SLC22A25: variants seen among roughly 807,000 people sequenced by gnomAD.
SLC22A25 encodes MGI:2442751, MGI:2385316, MGI:3042283, MGI:3645714, MGI:3605624, MGI:2442750.
In SLC22A25, 44 loss-of-function variants were observed where a neutral mutation model predicts 45.9. That is an observed-to-expected ratio of 0.96 (90% CI 0.75 to 1.23). The LOEUF is 1.23. Ranked by LOEUF, SLC22A25 falls within the 50% of genes most tolerant of loss-of-function variation. The pLI is 0.00. For synonymous variants in SLC22A25, 283 were observed against 238.6 expected (o/e 1.19, Z -1.72); for missense variants, 800 against 666.4 (o/e 1.20, Z -2.21).
At chr11:63,183,912 T>A (rs1272237503) in intron 7 of SLC22A25, 95 bp from the exon 8 acceptor site, 12 of 1,526,316 alleles carry the variant, frequency 7.9e-6, no homozygotes, top group Non-Finnish European at 9.8e-6. Flanking sequence ...TCTAAGCTAA[T>A]ACCCACCTCT....
In SLC22A25 at chr11:63,180,726, T is replaced by G; in HGVS notation, c.1004A>C (p.His335Pro). 2.5e-6 allele frequency: 4 copies of G among 1,613,274 alleles called. No individual in the cohort carries two copies. In the African/African-American group the frequency reaches 4.0e-5, roughly 16 times the overall value. Reference sequence around the variant, plus strand: ...TATGCGGAGCAATTCACAAAGAGAATGCTTTTTCTGTGCTGCCTCCAGTTC... The same window carrying G: ...TATGCGGAGCAATTCACAAAGAGAAGGCTTTTTCTGTGCTGCCTCCAGTTC... ...KQELEAAQKKHSLCELLRIPN... is the reference protein window; with the variant it reads ...KQELEAAQKKPSLCELLRIPN... The change falls in exon 9 of 12, where the codon CAT becomes CCT. Residue 335 changes from histidine to proline, a missense_variant. Coordinates refer to ENST00000306494, the MANE Select transcript of SLC22A25 (RefSeq NM_199352.6).
rs987479204 is a variant in SLC22A25 at position 63,229,853 on chromosome 11, A to T, written c.-201T>A. On this transcript the variant is annotated 5_prime_UTR_variant, in exon 4 of 12. Transcript: ENST00000306494. ...CAAGTAGTTTTGGGGTCAGGTAGGT[A>T]TCTGTTTTCTTTAGGGTCACATAAG... Among the ~76,000 whole-genome samples the T allele has an allele frequency of 6.6e-5, 10 of 152,176 alleles. No homozygotes were observed. Among genetic ancestry groups the T allele is most frequent in the Non-Finnish European group, 1.3e-4 (9 of 68,030 alleles).
chr11:63,234,206 C>T (rs1292532999), intron 3 of SLC22A25, among the ~76,000 whole-genome samples: 3 of 152,150 alleles, frequency 2.0e-5, no homozygotes, highest in African/African-American at 7.2e-5. Flanking sequence ...AACTTTCTGT[C>T]TCATTGATCT....
At chr11:63,237,739 C>T (rs1211768829) in intron 3 of SLC22A25, among the ~76,000 whole-genome samples, 142 bp downstream of exon 3, 1 of 152,176 alleles carries the variant, frequency 6.6e-6, no homozygotes, top group Non-Finnish European at 1.5e-5. Flanking sequence ...TCAGTGCTGA[C>T]AGGATAGCCC....
chr11:63,212,946 A>G (rs1316138799), intron 7 of SLC22A25, among the ~76,000 whole-genome samples: 2 of 152,230 alleles, frequency 1.3e-5, no homozygotes, highest in Non-Finnish European at 2.9e-5. Context: ...GAATGCCTCC[A>G]AGGAATAGAG....
At chr11:63,241,948 T>G (rs568743610) in intron 1 of SLC22A25, among the ~76,000 whole-genome samples, 3 of 152,306 alleles carry the variant, frequency 2.0e-5, no homozygotes, top group African/African-American at 7.2e-5. Flanking sequence ...ACATTCAAAC[T>G]CTGTCAAACA....
At chr11:63,169,767 A>C (rs963836378) in intron 9 of SLC22A25, among the ~76,000 whole-genome samples, 4 of 152,168 alleles carry the variant, frequency 2.6e-5, no homozygotes, top group Admixed American at 2.6e-4. Context: ...ACAGAAAATC[A>C]ACAAGGATAT....
At chr11:63,214,197 C>T (rs1184997111) in intron 7 of SLC22A25, among the ~76,000 whole-genome samples, 1 of 152,144 alleles carries the variant, frequency 6.6e-6, no homozygotes, top group Non-Finnish European at 1.5e-5. Context: ...GCCTCATCCT[C>T]CTTTGCCCTT....
At chr11:63,177,447 C>T in intron 9 of SLC22A25, among the ~76,000 whole-genome samples, 1 of 151,842 alleles carries the variant, frequency 6.6e-6, no homozygotes, top group East Asian at 1.9e-4. Flanking sequence ...TTATTGTTAA[C>T]TAAAGTCACC....
intron 7 of SLC22A25, among the ~76,000 whole-genome samples, chr11:63,214,154 C>A (rs1308683728): frequency 6.6e-6 from 1 of 152,108 alleles, no homozygotes; most frequent in Non-Finnish European, 1.5e-5. Flanking sequence ...GATTCAAAAC[C>A]CTCTGGTGGG....
intron 7 of SLC22A25, among the ~76,000 whole-genome samples, chr11:63,215,107 A>G (rs2089676017): frequency 6.6e-6 from 1 of 152,230 alleles, no homozygotes; most frequent in Non-Finnish European, 1.5e-5. Context: ...ATTATAAATC[A>G]TTCTACTATA....
At chr11:63,231,199 A>G (rs1392847297) in intron 3 of SLC22A25, among the ~76,000 whole-genome samples, 1 of 152,146 alleles carries the variant, frequency 6.6e-6, no homozygotes, top group Non-Finnish European at 1.5e-5. Flanking sequence ...TGGTATTTCT[A>G]GTTCTGGATC....
chr11:63,231,240 T>C (rs1221914247), intron 3 of SLC22A25, among the ~76,000 whole-genome samples: 2 of 152,244 alleles, frequency 1.3e-5, no homozygotes, highest in African/African-American at 4.8e-5. Context: ...TGTTCCACAA[T>C]GGTTGAACTA....
intron 5 of SLC22A25, chr11:63,220,132 TTGTA>T: frequency 6.1e-6 from 4 of 659,278 alleles, no homozygotes; most frequent in Non-Finnish European, 9.1e-6. Context: ...AAGGTAGAGG[TTGTA>T]ATACCTCTAA....
Position 63,164,075 on chromosome 11 carries a change from T to C in SLC22A25, c.1395-2A>G, listed in dbSNP as rs114205803. 6.8e-4 allele frequency: 1,070 copies of C among 1,571,630 alleles called. 10 individuals are homozygous for C. In the African/African-American group the frequency reaches 0.013, roughly 19 times the overall value. On this transcript the variant is annotated splice_acceptor_variant, in intron 11 of 11. Transcript: ENST00000306494. LOFTEE classifies it high-confidence loss of function. ...CCAGTGATTCCAGTAGCTCTTCCCC[T>C]TGGAGTAAAAACAGCAACAGAGGAA...
Position 63,215,620 on chromosome 11 carries a change from C to CT in SLC22A25, c.830+1693dup, listed in dbSNP as rs1565111434. 2.6e-5 allele frequency among the ~76,000 whole-genome samples: 4 copies of CT among 151,930 alleles called. No individual in the cohort carries two copies. The South Asian group carries it at 8.3e-4, about 32-fold the overall frequency. On this transcript the variant is annotated intron_variant, in intron 7 of 11. Transcript: ENST00000306494. ...GCATAGGACATGGACAGACACTTTTCTTTTTTTAATTTATTTTAGATTTGG... is the reference window on the plus strand; with the variant it reads ...GCATAGGACATGGACAGACACTTTTCTTTTTTTTAATTTATTTTAGATTTGG...
intron 5 of SLC22A25, among the ~76,000 whole-genome samples, chr11:63,219,538 A>T (rs1300891265): frequency 1.3e-5 from 2 of 152,118 alleles, no homozygotes; most frequent in Non-Finnish European, 2.9e-5. Context: ...CCTGCATCTT[A>T]TTTATTCATT....
At chr11:63,226,979 G>C (rs1051171057) in intron 5 of SLC22A25, among the ~76,000 whole-genome samples, 2 of 152,134 alleles carry the variant, frequency 1.3e-5, no homozygotes, top group Non-Finnish European at 2.9e-5. Context: ...TATGGTCCAA[G>C]GGCTGTTTGG....
chr11:63,212,954 G>T (rs1386407558), intron 7 of SLC22A25, among the ~76,000 whole-genome samples: 2 of 152,190 alleles, frequency 1.3e-5, no homozygotes, highest in African/African-American at 4.8e-5. Flanking sequence ...CCAAGGAATA[G>T]AGAGGCTTCT....
Sources: allele counts gnomAD v4.1 joint callset (sites outside exome capture counted in the v4.1 genomes callset), GRCh38; gene constraint gnomAD v4.1.1; transcripts MANE v1.5; gene names NCBI Gene and HGNC (gene_info 2026-07-23, HGNC 2026-07-21).